Variants in PCDHGA1 observed in about 807,000 individuals in gnomAD.
PCDHGA1 encodes the protein protocadherin gamma subfamily A, 1.
A neutral mutation model predicts 58.0 loss-of-function variants in PCDHGA1; 32 were observed. The observed-to-expected ratio is 0.55, with a 90% confidence interval of 0.42 to 0.74. The LOEUF is 0.74. Among genes scored for constraint, PCDHGA1 ranks in the 30% least tolerant of loss-of-function variants. The pLI is 0.00. For missense variants in PCDHGA1, 1,205 were observed against 1,182.3 expected (o/e 1.02, Z -0.28); for synonymous variants, 498 against 501.1 (o/e 0.99, Z 0.08).
intron 1 of PCDHGA1, among the ~76,000 whole-genome samples, chr5:141,367,985 T>C (rs1158650986): frequency 6.6e-6 from 1 of 152,224 alleles, no homozygotes; most frequent in African/African-American, 2.4e-5. Flanking sequence ...CTTAAATTAA[T>C]AGATTTGTCT....
rs775204388 is a variant in PCDHGA1, at chr5:141,490,235, G to T, written c.2422-4572G>T. On this transcript the variant is annotated intron_variant, in intron 1 of 3. Transcript: ENST00000517417. This position sits in a 1 kb window ranked among gnomAD's most constrained non-coding sequence, Gnocchi z 5.4. ...GACCAGGGACAGCCTGCCATGGAGG[G>T]CCACTGTGTGATTCAAGTGGATGTG... 1 of 1,614,228 alleles carries T rather than the reference G, an allele frequency of 6.2e-7. No homozygotes were observed. The highest frequency in any genetic ancestry group is 1.1e-5 in the South Asian group (1 of 91,084).
chr5:141,398,855 A>C, intron 1 of PCDHGA1: 1 of 1,613,970 alleles, frequency 6.2e-7, no homozygotes, highest in Non-Finnish European at 8.5e-7. Context: ...CCGGTATTCA[A>C]CCGAGACGTG....
chr5:141,405,575 G>T, intron 1 of PCDHGA1: 2 of 598,040 alleles, frequency 3.3e-6, no homozygotes, highest in Non-Finnish European at 5.9e-6. Flanking sequence ...GAGTAGAGTA[G>T]CTGGGACTAC....
rs1229623400 is a variant in PCDHGA1, at chr5:141,505,984, T to A, written c.2569+503T>A. 4.6e-5 allele frequency among the ~76,000 whole-genome samples: 7 copies of A among 152,198 alleles called. No homozygotes were observed. In the East Asian group the frequency reaches 1.4e-3, roughly 30 times the overall value. On this transcript the variant is annotated intron_variant, in intron 3 of 3. Coordinates refer to ENST00000517417, the MANE Select transcript of PCDHGA1 (RefSeq NM_018912.3). ...AGAAATCCCCAGCCGAGAGAACACC[T>A]CCTCTTTATGCGAGGCTCCTCTTTT...
Position 141,355,398 on chromosome 5 carries a change from C to T in PCDHGA1, c.2421+22293C>T, listed in dbSNP as rs768527060. 11 of 1,613,956 alleles carry T rather than the reference C, an allele frequency of 6.8e-6. No individual in the cohort carries two copies. The Admixed American group carries it at 1.3e-4, about 20-fold the overall frequency. ...AGCTGGCGGAGCGCGGAGTCCGCAT[C>T]GTCTCCAGAGGTAGGACGCAGCTTT... is the stretch of plus-strand genomic sequence containing the variant. On this transcript the variant is annotated intron_variant, in intron 1 of 3. Transcript: ENST00000517417.
chr5:141,421,931 A>T, intron 1 of PCDHGA1: 1 of 1,613,556 alleles, frequency 6.2e-7, no homozygotes, highest in East Asian at 2.2e-5. Context: ...GTGGTCCTCG[A>T]TGTAAATGAT....
rs371245499 is a variant in PCDHGA1 at position 141,399,811 on chromosome 5, G to T, written c.2421+66706G>T. 1.0e-4 allele frequency: 169 copies of T among 1,613,100 alleles called. No homozygotes were observed. The highest frequency in any genetic ancestry group is 1.4e-4 in the Non-Finnish European group (163 of 1,179,762). ...CAACGCACCGCGGGTGCTGTACCCC[G>T]CGCTGGGTCCCGACGGCTCTGCGCT... On this transcript the variant is annotated intron_variant, in intron 1 of 3. Coordinates refer to ENST00000517417, the MANE Select transcript of PCDHGA1 (RefSeq NM_018912.3).
chr5:141,331,323 A>G lies in PCDHGA1; in HGVS notation c.639A>G (p.Thr213=). Residue 213 remains threonine, a synonymous_variant, in exon 1 of 4, where the codon ACA becomes ACG. Coordinates refer to ENST00000517417, the MANE Select transcript of PCDHGA1 (RefSeq NM_018912.3). ...EEEAVHHLIL[T]ASDGGEPVRS... is the part of the protein sequence containing the mutation. ...AAGCTGTCCACCACCTCATCCTCAC[A>G]GCTTCTGATGGGGGTGAACCAGTCC... 5 of 1,614,194 alleles carry G rather than the reference A, an allele frequency of 3.1e-6. No individual in the cohort carries two copies. The highest frequency in any genetic ancestry group is 4.2e-6 in the Non-Finnish European group (5 of 1,180,034).
chr5:141,410,849 C>CTTTT lies in PCDHGA1; in HGVS notation c.2421+77763_2421+77766dup, dbSNP rs759346998. The CTTTT allele has an allele frequency of 9.0e-3, 1,245 of 137,660 alleles. 106 individuals are homozygous for CTTTT. The highest frequency in any genetic ancestry group is 0.023 in the African/African-American group (378 of 16,590). 8.5% of individuals were successfully genotyped at this position (137,660 alleles called of 1,614,324 possible). On this transcript the variant is annotated intron_variant, in intron 1 of 3. Coordinates refer to ENST00000517417, the MANE Select transcript of PCDHGA1 (RefSeq NM_018912.3). The stretch of plus-strand genomic sequence containing the variant: ...CAGACTGAAGATATTTTGTCTTTGT[C>CTTTT]TTTTTTTTTTTTTTTTTTTTTTGAG...
intron 1 of PCDHGA1, among the ~76,000 whole-genome samples, chr5:141,453,518 C>G (rs1347368114): frequency 6.6e-6 from 1 of 152,114 alleles, no homozygotes; most frequent in African/African-American, 2.4e-5. Context: ...CATTCCTCCC[C>G]TATACCTTCT....
rs1429079572 is a variant in PCDHGA1, at chr5:141,330,653, G to A, written c.-32G>A. On this transcript the variant is annotated 5_prime_UTR_variant, in exon 1 of 4. Transcript: ENST00000517417. ...AAGCAGAAACGATACCCTTGGTACT[G>A]GACTGGAAGAAAACTACGAAGTGAG... 4 of 1,574,134 alleles carry A rather than the reference G, an allele frequency of 2.5e-6. No homozygotes were observed. In the African/African-American group the frequency reaches 4.1e-5, roughly 16 times the overall value.
At chr5:141,391,495 A>G (rs962883294) in intron 1 of PCDHGA1, 2 of 152,136 alleles carry the variant, frequency 1.3e-5, no homozygotes, top group Non-Finnish European at 2.9e-5. Context: ...TGTTTTCAGT[A>G]GAGAAAATAT....
chr5:141,405,204 A>G, intron 1 of PCDHGA1: 1 of 1,613,034 alleles, frequency 6.2e-7, no homozygotes. Flanking sequence ...GCTTTCCTAC[A>G]GACCTATTCT....
At chr5:141,484,801 A>G (rs1285617622) in intron 1 of PCDHGA1, among the ~76,000 whole-genome samples, 3 of 152,024 alleles carry the variant, frequency 2.0e-5, no homozygotes, top group African/African-American at 7.2e-5. Flanking sequence ...CAACCCGTGG[A>G]AAAACATGCC....
At chr5:141,374,285 T>A in intron 1 of PCDHGA1, 1 of 1,613,970 alleles carries the variant, frequency 6.2e-7, no homozygotes. Flanking sequence ...CCGCATCGTC[T>A]CCAGAGGTAG....
In PCDHGA1 at chr5:141,431,202, C is replaced by T. The variant is rs2097350864; in HGVS notation, c.2422-63605C>T. The stretch of plus-strand genomic sequence containing the variant: ...ATAAAAATTAGTGAAAATGCAGCCA[C>T]TGAGATGCGGTTCCCTCTACCCCAC... On this transcript the variant is annotated intron_variant, in intron 1 of 3. Coordinates refer to ENST00000517417, the MANE Select transcript of PCDHGA1 (RefSeq NM_018912.3). The surrounding 1 kb of genome is among the most constrained non-coding windows in gnomAD (Gnocchi z 4.8). 6.2e-7 allele frequency: 1 copy of T among 1,614,204 alleles called. No individual in the cohort carries two copies. Among genetic ancestry groups the T allele is most frequent in the Non-Finnish European group, 8.5e-7 (1 of 1,180,052 alleles).
At chr5:141,451,535 A>G (rs150174911) in intron 1 of PCDHGA1, among the ~76,000 whole-genome samples, 2 of 152,328 alleles carry the variant, frequency 1.3e-5, no homozygotes, top group Non-Finnish European at 2.9e-5. Flanking sequence ...GGAGAGTGCC[A>G]GAGAGGGCAA....
At position 141,476,716 on chromosome 5, in the gene PCDHGA1, C is replaced by G; in HGVS notation, c.2422-18091C>G. The G allele has an allele frequency of 6.2e-7, 1 of 1,614,148 alleles. No individual in the cohort carries two copies. On this transcript the variant is annotated intron_variant, in intron 1 of 3. Transcript: ENST00000517417. The surrounding 1 kb of genome is among the most constrained non-coding windows in gnomAD (Gnocchi z 7.6). The stretch of plus-strand genomic sequence containing the variant: ...AGTACGCGGAGCTGGTGTTGGAGCG[C>G]GCCCTGGACCGAGAACGGGAGCCTA...
chr5:141,421,251 G>C (rs771398829), intron 1 of PCDHGA1: 1 of 1,606,888 alleles, frequency 6.2e-7, no homozygotes, highest in Non-Finnish European at 8.5e-7. Context: ...TACAGCGCGG[G>C]GACCGCAGTC....
Sources: allele counts gnomAD v4.1 joint callset (sites outside exome capture counted in the v4.1 genomes callset), GRCh38; gene constraint gnomAD v4.1.1; non-coding constraint Gnocchi (gnomAD v3.1); transcripts MANE v1.5; gene names NCBI Gene and HGNC (gene_info 2026-07-23, HGNC 2026-07-21).